STK3: variants seen among roughly 807,000 people sequenced by gnomAD.
STK3 encodes the protein serine/threonine-protein kinase 3.
A neutral mutation model predicts 58.0 loss-of-function variants in STK3; 41 were observed. The ratio of observed to expected loss-of-function variants is 0.71; its 90% CI spans 0.55 to 0.92. STK3 has a LOEUF of 0.92. STK3 is among the 40% of genes least tolerant of loss of function. STK3 has a pLI of 0.00. For missense variants in STK3, 479 were observed against 602.7 expected, an observed-to-expected ratio of 0.79 and a Z score of 2.15; for synonymous variants, 170 against 191.0, an observed-to-expected ratio of 0.89 and a Z score of 0.91.
intron 10 of STK3, among the ~76,000 whole-genome samples, chr8:98,490,705 C>T (rs1822619742): frequency 6.6e-6 from 1 of 152,188 alleles, no homozygotes; most frequent in South Asian, 2.1e-4. Context: ...ACTGGAATTA[C>T]ATGGGAGCCT....
At chr8:98,599,146 G>A (rs931971382) in intron 6 of STK3, among the ~76,000 whole-genome samples, 13 of 152,128 alleles carry the variant, frequency 8.5e-5, no homozygotes, top group African/African-American at 2.9e-4. Context: ...TCAGATATAT[G>A]AGCAAAAGGT....
chr8:98,415,974 G>A (rs1818110059), intron 3 of STK3, among the ~76,000 whole-genome samples: 1 of 152,192 alleles, frequency 6.6e-6, no homozygotes, highest in Non-Finnish European at 1.5e-5. Flanking sequence ...AGACTCTAGG[G>A]CACTTGTACT....
intron 10 of STK3, among the ~76,000 whole-genome samples, chr8:98,510,220 C>T (rs754161419): frequency 1.4e-4 from 22 of 152,042 alleles, no homozygotes; most frequent in Non-Finnish European, 7.4e-5. Context: ...TGTTATGCTG[C>T]TATTAAGTAT....
At chr8:98,529,733 C>T (rs1039167807) in intron 9 of STK3, among the ~76,000 whole-genome samples, 1 of 152,108 alleles carries the variant, frequency 6.6e-6, no homozygotes, top group African/African-American at 2.4e-5. Flanking sequence ...CATGGATGAA[C>T]CTTGAGGACA....
In STK3 at chr8:98,481,961, T is replaced by C. The variant is rs75159901; in HGVS notation, c.1318-25961A>G. ...GTAACATGTATTCAACTGAAGCTAG[T>C]TGAATTCTCACGTTTCTCACACTCC... On this transcript the variant is annotated intron_variant, in intron 10 of 10. Coordinates refer to ENST00000419617, the MANE Select transcript of STK3 (RefSeq NM_006281.4). Among the ~76,000 whole-genome samples the C allele has an allele frequency of 4.4e-3, 664 of 152,338 alleles. 8 individuals carry two copies. Among genetic ancestry groups the C allele is most frequent in the African/African-American group, 0.015 (606 of 41,586 alleles).
In STK3 at chr8:98,593,713, T is replaced by C. The variant is rs571965044; in HGVS notation, c.822+2319A>G. The stretch of plus-strand genomic sequence containing the variant: ...TTTAATCCTGAAACAATCCCAACTC[T>C]GCTCACCATCCATGGAAAAACTGTC... On this transcript the variant is annotated intron_variant, in intron 7 of 10. Coordinates refer to ENST00000419617, the MANE Select transcript of STK3 (RefSeq NM_006281.4). Among the ~76,000 whole-genome samples, 4 of 152,298 alleles carry C rather than the reference T, an allele frequency of 2.6e-5. No homozygotes were observed. In the East Asian group the frequency reaches 7.7e-4, roughly 29 times the overall value.
chr8:98,833,955 A>G (rs1358921689), intron 3 of STK3, among the ~76,000 whole-genome samples: 1 of 152,120 alleles, frequency 6.6e-6, no homozygotes, highest in Non-Finnish European at 1.5e-5. Context: ...TGGCAAAGAG[A>G]ACCATGCAGA....
At chr8:98,499,228 T>C (rs1236590136) in intron 10 of STK3, among the ~76,000 whole-genome samples, 1 of 152,190 alleles carries the variant, frequency 6.6e-6, no homozygotes, top group African/African-American at 2.4e-5. Context: ...CTTAACAGTC[T>C]CCAGAGCAAG....
At chr8:98,839,116 G>A (rs927537432) in intron 3 of STK3, among the ~76,000 whole-genome samples, 3 of 151,442 alleles carry the variant, frequency 2.0e-5, no homozygotes, top group African/African-American at 7.3e-5. Flanking sequence ...GTGTGATTTC[G>A]GCTCACTGCA....
intron 3 of STK3, among the ~76,000 whole-genome samples, chr8:98,403,752 G>C (rs896605822): frequency 3.3e-5 from 5 of 152,192 alleles, no homozygotes; most frequent in Admixed American, 6.5e-5. Flanking sequence ...TTGTTACAAA[G>C]TAGACTGCGT....
At chr8:98,735,416 T>G (rs909618454) in intron 4 of STK3, among the ~76,000 whole-genome samples, 3 of 152,144 alleles carry the variant, frequency 2.0e-5, no homozygotes, top group African/African-American at 7.2e-5. Context: ...AAAGATAGTT[T>G]AAAATACTGT....
intron 1 of STK3, among the ~76,000 whole-genome samples, chr8:98,788,412 T>C (rs1245660029): frequency 1.3e-5 from 2 of 151,648 alleles, no homozygotes; most frequent in African/African-American, 4.8e-5. Context: ...CACTCCAGCC[T>C]GGGTGATGGA....
chr8:98,527,653 C>CT (rs1396397724), intron 9 of STK3, among the ~76,000 whole-genome samples: 1 of 151,934 alleles, frequency 6.6e-6, no homozygotes, highest in Non-Finnish European at 1.5e-5. Context: ...AATACATAAA[C>CT]TTTAAAAAAA....
At chr8:98,398,069 G>A (rs1465102896), downstream of STK3, among the ~76,000 whole-genome samples, 1 of 152,148 alleles carries the variant, frequency 6.6e-6, no homozygotes, top group East Asian at 1.9e-4. Flanking sequence ...ATCTCTTAGT[G>A]TGGGCTAAGA....
intron 1 of STK3, among the ~76,000 whole-genome samples, chr8:98,380,693 G>C: frequency 6.6e-6 from 1 of 152,102 alleles, no homozygotes; most frequent in Non-Finnish European, 1.5e-5. Flanking sequence ...TTTTTAAAAA[G>C]GTGATAGTTT....
intron 3 of STK3, among the ~76,000 whole-genome samples, chr8:98,830,967 C>T (rs1415253704): frequency 2.2e-5 from 2 of 91,660 alleles, no homozygotes; most frequent in African/African-American, 8.6e-5. Context: ...AAGACTCTGT[C>T]TCAAAAAAAA....
intron 4 of STK3, among the ~76,000 whole-genome samples, chr8:98,716,547 A>G (rs949299394): frequency 3.9e-5 from 6 of 152,158 alleles, no homozygotes; most frequent in African/African-American, 1.4e-4. Context: ...ATAAATAAAA[A>G]CCTATCATAT....
At chr8:98,669,103 TCTC>T (rs1327317489) in intron 6 of STK3, among the ~76,000 whole-genome samples, 1 of 150,864 alleles carries the variant, frequency 6.6e-6, no homozygotes, top group East Asian at 2.0e-4. Flanking sequence ...TCCAAGCAAT[TCTC>T]CTGCCTCAGC....
At chr8:98,353,723 A>G in the STK3 span, among the ~76,000 whole-genome samples, 46 of 152,358 alleles carry the variant, frequency 3.0e-4, no homozygotes, top group African/African-American at 1.1e-3. Flanking sequence ...GATAAATGAA[A>G]ATTAGGATAT....
Sources: gnomAD v4.1 joint callset for allele counts (sites outside exome capture counted in the v4.1 genomes callset) on GRCh38, gnomAD v4.1.1 for gene constraint, MANE v1.5 for transcripts, NCBI Gene and HGNC (gene_info 2026-07-23, HGNC 2026-07-21) for gene names.